The following PIP5K1B variants were observed in gnomAD, a reference collection of about 807,000 sequenced individuals.
PIP5K1B encodes phosphatidylinositol 4-phosphate 5-kinase type-1 beta.
Under a neutral mutation model 67.0 loss-of-function variants are expected in PIP5K1B, and 42 were observed. That is an observed-to-expected ratio of 0.63 (90% CI 0.49 to 0.81). The LOEUF (loss-of-function observed/expected upper bound fraction) is 0.81. PIP5K1B is among the 30% of genes least tolerant of loss of function. The pLI is 0.00. For synonymous variants in PIP5K1B, 214 were observed against 231.4 expected (o/e 0.92, Z 0.68); for missense variants, 459 against 646.3 (o/e 0.71, Z 3.14).
chr9:68,826,299 G>A (rs1038103490), intron 4 of PIP5K1B, among the ~76,000 whole-genome samples: 9 of 152,142 alleles, frequency 5.9e-5, no homozygotes, highest in Non-Finnish European at 2.9e-5. Flanking sequence ...GTGAGAAAAC[G>A]AGGGGACCAT....
At chr9:68,997,659 A>G (rs1266106101) in intron 15 of PIP5K1B, among the ~76,000 whole-genome samples, 1 of 152,214 alleles carries the variant, frequency 6.6e-6, no homozygotes, top group Non-Finnish European at 1.5e-5. Flanking sequence ...AGTTATTGAC[A>G]AATAATATTT....
chr9:68,929,964 CCAG>C (rs1385758908), intron 12 of PIP5K1B, among the ~76,000 whole-genome samples: 1 of 152,246 alleles, frequency 6.6e-6, no homozygotes, highest in Non-Finnish European at 1.5e-5. Flanking sequence ...GCCACCGCAC[CCAG>C]CCTCTTTCAG....
chr9:68,991,002 G>T (rs1830339582), intron 14 of PIP5K1B, 138 bp from the exon 15 acceptor site: 1 of 651,240 alleles, frequency 1.5e-6, no homozygotes, highest in Non-Finnish European at 2.8e-6. Flanking sequence ...ATGTCTCCAG[G>T]CATAACCATA....
At chr9:68,813,445 AAAGAG>A (rs903753942) in intron 2 of PIP5K1B, among the ~76,000 whole-genome samples, 1 of 152,228 alleles carries the variant, frequency 6.6e-6, no homozygotes, top group South Asian at 2.1e-4. Context: ...TATGGACAAG[AAAGAG>A]AAAAGAGATG....
At chr9:68,795,608 T>A (rs1045570563) in intron 2 of PIP5K1B, among the ~76,000 whole-genome samples, 1 of 152,110 alleles carries the variant, frequency 6.6e-6, no homozygotes, top group African/African-American at 2.4e-5. Context: ...CAGAAATCTG[T>A]GATATGTGTC....
chr9:68,823,606 A>G (rs1468974254), intron 4 of PIP5K1B, among the ~76,000 whole-genome samples: 1 of 152,216 alleles, frequency 6.6e-6, no homozygotes, highest in East Asian at 1.9e-4. Context: ...TACCAAGCTA[A>G]TGTTCAAACA....
chr9:68,901,117 G>A (rs1023926869), intron 8 of PIP5K1B, among the ~76,000 whole-genome samples: 5 of 152,104 alleles, frequency 3.3e-5, no homozygotes, highest in South Asian at 2.1e-4. Flanking sequence ...CAAAGGAGAC[G>A]TACATATCCT....
intron 6 of PIP5K1B, among the ~76,000 whole-genome samples, chr9:68,884,303 G>A: frequency 7.3e-6 from 1 of 137,278 alleles, no homozygotes; most frequent in Non-Finnish European, 1.6e-5. Context: ...TCAATAACAA[G>A]AAAACTAATA....
At chr9:68,817,928 A>C (rs888152906) in intron 2 of PIP5K1B, among the ~76,000 whole-genome samples, 1 of 152,150 alleles carries the variant, frequency 6.6e-6, no homozygotes, top group African/African-American at 2.4e-5. Context: ...TTCTGTATAA[A>C]ACATAATTAT....
At chr9:68,781,300 T>C (rs1831258750) in intron 2 of PIP5K1B, 1 of 336,502 alleles carries the variant, frequency 3.0e-6, no homozygotes, top group South Asian at 5.2e-5. Context: ...ATACATATGT[T>C]ATCCCTTGAT....
chr9:68,750,129 C>G (rs940046986), intron 2 of PIP5K1B, among the ~76,000 whole-genome samples: 5 of 152,186 alleles, frequency 3.3e-5, no homozygotes, highest in Non-Finnish European at 7.4e-5. Flanking sequence ...GGTTATTAAC[C>G]CATGCTCTGC....
chr9:68,902,800 C>T (rs1277663888), intron 8 of PIP5K1B, among the ~76,000 whole-genome samples: 3 of 152,094 alleles, frequency 2.0e-5, no homozygotes, highest in Non-Finnish European at 4.4e-5. Context: ...TTTATTTTAG[C>T]CACTCTGGTA....
chr9:68,726,524 C>T (rs1772118790), intron 1 of PIP5K1B, among the ~76,000 whole-genome samples: 1 of 152,200 alleles, frequency 6.6e-6, no homozygotes, highest in Admixed American at 6.5e-5. Flanking sequence ...TGCCGTTTCT[C>T]AGTTTTCTGC....
chr9:68,764,241 T>C (rs546887901), intron 2 of PIP5K1B, among the ~76,000 whole-genome samples: 1 of 152,130 alleles, frequency 6.6e-6, no homozygotes, highest in South Asian at 2.1e-4. Context: ...CTCCATAGTG[T>C]TCATCTATTC....
intron 14 of PIP5K1B, among the ~76,000 whole-genome samples, chr9:68,961,039 T>C (rs1332277779): frequency 6.6e-6 from 1 of 151,112 alleles, no homozygotes; most frequent in Admixed American, 6.6e-5. Context: ...TGAAACCCCG[T>C]CTCTACTAAA....
intron 14 of PIP5K1B, among the ~76,000 whole-genome samples, chr9:68,977,939 G>A (rs189672562): frequency 3.6e-4 from 55 of 152,136 alleles, no homozygotes; most frequent in Non-Finnish European, 5.4e-4. Flanking sequence ...GAGCCACCGC[G>A]CCTGGCCTAT....
At chr9:68,773,038 C>T (rs1305874606) in intron 2 of PIP5K1B, among the ~76,000 whole-genome samples, 2 of 152,162 alleles carry the variant, frequency 1.3e-5, no homozygotes, top group Non-Finnish European at 2.9e-5. Context: ...CAAAGTCCCA[C>T]TGCTGGAAGT....
At chr9:68,949,021 G>A (rs1034135578) in intron 14 of PIP5K1B, among the ~76,000 whole-genome samples, 1 of 151,474 alleles carries the variant, frequency 6.6e-6, no homozygotes, top group African/African-American at 2.4e-5. Context: ...TTTTTAAATC[G>A]ATTTAGTTTA....
At chr9:68,706,837 A>T (rs1827148475) in intron 1 of PIP5K1B, among the ~76,000 whole-genome samples, 1 of 151,914 alleles carries the variant, frequency 6.6e-6, no homozygotes, top group Admixed American at 6.6e-5. Flanking sequence ...AATGAAGCAC[A>T]TTCAGCCAGA....
Sources: allele counts gnomAD v4.1 joint callset (sites outside exome capture counted in the v4.1 genomes callset), GRCh38; gene constraint gnomAD v4.1.1; transcripts MANE v1.5; gene names NCBI Gene and HGNC (gene_info 2026-07-23, HGNC 2026-07-21).